The following PHLDB1 variants were observed in gnomAD, a reference collection of about 807,000 sequenced individuals.
PHLDB1 encodes pleckstrin homology-like domain family B member 1.
PHLDB1 carries 65 observed loss-of-function variants against 139.3 expected under a neutral mutation model. That is an observed-to-expected ratio of 0.47 (90% CI 0.38 to 0.57). The LOEUF (loss-of-function observed/expected upper bound fraction) is 0.57. PHLDB1 is among the 20% of genes least tolerant of loss of function. The probability of loss-of-function intolerance (pLI) is 0.00; values close to 1 mark genes in which losing one functional copy is unlikely to be tolerated. For missense variants in PHLDB1, 1,624 were observed against 1,839.7 expected (o/e 0.88, Z 2.14); for synonymous variants, 679 against 734.5 (o/e 0.92, Z 1.22).
At chr11:118,638,296 A>G (rs1370392212) in intron 10 of PHLDB1, among the ~76,000 whole-genome samples, 1 of 152,194 alleles carries the variant, frequency 6.6e-6, no homozygotes. Flanking sequence ...CCTGTGTGTA[A>G]TGAGGAGCCA....
intron 18 of PHLDB1, among the ~76,000 whole-genome samples, chr11:118,648,446 G>T (rs1431771732): frequency 2.6e-5 from 4 of 151,846 alleles, no homozygotes; most frequent in Non-Finnish European, 5.9e-5. Context: ...AATCAGAGTG[G>T]CTCCCCTTGG....
chr11:118,656,432 C>A (rs1401238807), intron 22 of PHLDB1, among the ~76,000 whole-genome samples: 2 of 152,184 alleles, frequency 1.3e-5, no homozygotes, highest in African/African-American at 4.8e-5. Context: ...GGACCAGTGC[C>A]CCCCTTGTCA....
At chr11:118,641,460 T>G in intron 12 of PHLDB1, 2 of 310,604 alleles carry the variant, frequency 6.4e-6, no homozygotes, top group Non-Finnish European at 1.2e-5. Context: ...TGCTCTAGGA[T>G]GAGGGTGTCG....
At chr11:118,618,887 C>T (rs1555092087) in intron 4 of PHLDB1, among the ~76,000 whole-genome samples, 2 of 151,774 alleles carry the variant, frequency 1.3e-5, no homozygotes, top group East Asian at 2.0e-4. Flanking sequence ...GTGACAGGCT[C>T]TTCCAGCAGG....
intron 4 of PHLDB1, among the ~76,000 whole-genome samples, chr11:118,616,652 G>A (rs1941707818): frequency 6.6e-6 from 1 of 152,214 alleles, no homozygotes; most frequent in East Asian, 1.9e-4. Flanking sequence ...TAAATCTCAG[G>A]ACATGCCTGC....
At chr11:118,614,499 G>A (rs781856562) in intron 2 of PHLDB1, 60 bp from the exon 3 acceptor site, 2 of 1,597,972 alleles carry the variant, frequency 1.3e-6, no homozygotes, top group Non-Finnish European at 8.6e-7. Context: ...GGTGTGACTG[G>A]TTTAGGGTGG....
intron 9 of PHLDB1, 167 bp from the exon 10 acceptor site, chr11:118,635,226 C>T (rs1420631492): frequency 1.3e-6 from 1 of 782,072 alleles, no homozygotes; most frequent in African/African-American, 1.7e-5. Flanking sequence ...GGCCATGATG[C>T]CCGCAAAAGG....
rs1393036105 is a variant in PHLDB1, at chr11:118,643,822, G to T, written c.2900G>T (p.Gly967Val). The T allele has an allele frequency of 6.2e-7, 1 of 1,613,990 alleles. No individual in the cohort carries two copies. Among genetic ancestry groups the T allele is most frequent in the Non-Finnish European group, 8.5e-7 (1 of 1,180,014 alleles). The part of the protein sequence containing the change: ...QLQVYRSKMD[G>V]EATSPLPRTR... ...CAGGTTTACCGCTCCAAGATGGATG[G>T]CGAGGCCACCAGCCCCCTTCCCCGG... The change falls in exon 14 of 23, where the codon GGC becomes GTC. Residue 967 changes from glycine to valine, a missense_variant. By Grantham distance (109) the Gly-to-Val change is moderately radical. Transcript: ENST00000600882.
intron 4 of PHLDB1, among the ~76,000 whole-genome samples, chr11:118,623,481 C>G (rs79662635): frequency 0.01 from 1,563 of 152,202 alleles, 25 homozygotes; most frequent in African/African-American, 0.036. Context: ...TCACACTTCC[C>G]GGGCAGGACT....
In PHLDB1 at chr11:118,632,588, G is replaced by A. The variant is rs1944974991; in HGVS notation, c.2379+292G>A. The A allele has an allele frequency of 1.4e-5, 6 of 427,974 alleles. No homozygotes were observed. The South Asian group carries it at 1.6e-4, about 12-fold the overall frequency. The allele number at this position is 427,974 out of a possible 1,614,324, so 26.5% of individuals were successfully genotyped here. A position where few individuals can be genotyped will look rare whatever the true frequency, so the allele number is the denominator to read the frequency against. On this transcript the variant is annotated intron_variant, in intron 9 of 22. Coordinates refer to ENST00000600882, the MANE Select transcript of PHLDB1 (RefSeq NM_001144758.3). This position sits in a 1 kb window ranked among gnomAD's most constrained non-coding sequence, Gnocchi z 5.9. ...TATGGCCCTTCTAGGAAGTGCCAAA[G>A]CCCCTTCTTGGGCAGTGAGCACAGC...
rs2136669780 is a variant in PHLDB1, at chr11:118,643,773, TCACTGGG to T, written c.2878-22_2878-16del. The T allele has an allele frequency of 6.2e-7, 1 of 1,614,008 alleles. No individual in the cohort carries two copies. The highest frequency in any genetic ancestry group is 2.2e-5 in the East Asian group (1 of 44,882). On this transcript the variant is annotated intron_variant, in intron 13 of 22. Transcript: ENST00000600882. The stretch of plus-strand genomic sequence containing the variant: ...AGGTGGCCAATGGGGGAGCCAGGAA[TCACTGGG>T]CACTATCTTTTCTTTCCAGGTTTAC...
In PHLDB1 at chr11:118,624,477, CTG is replaced by C. The variant is rs1193970522; in HGVS notation, c.356-456_356-455del. On this transcript the variant is annotated intron_variant, in intron 4 of 22. Coordinates refer to ENST00000600882, the MANE Select transcript of PHLDB1 (RefSeq NM_001144758.3). ...AGGTCAGGTGTGGACTGTGTGGACT[CTG>C]AGAGCAGATGAGGATGGGTCTTTAG... 59 of 191,458 alleles carry C rather than the reference CTG, an allele frequency of 3.1e-4. 1 individual carries two copies. The highest frequency in any genetic ancestry group is 4.1e-4 in the African/African-American group (17 of 41,410). The allele number at this position is 191,458 out of a possible 1,614,324, so 11.9% of individuals were successfully genotyped here.
At position 118,610,177 on chromosome 11, in the gene PHLDB1, G is replaced by T. The variant is rs898239640; in HGVS notation, c.-22+2478G>T. 2.5e-4 allele frequency among the ~76,000 whole-genome samples: 38 copies of T among 151,326 alleles called. No homozygotes were observed. Among genetic ancestry groups the T allele is most frequent in the African/African-American group, 9.0e-4 (37 of 41,098 alleles). On this transcript the variant is annotated intron_variant, in intron 1 of 22. Coordinates refer to ENST00000600882, the MANE Select transcript of PHLDB1 (RefSeq NM_001144758.3). This position sits in a 1 kb window ranked among gnomAD's most constrained non-coding sequence, Gnocchi z 8.7. ...TCTGCCCTCGGTCTTCCCCTCCCCA[G>T]CTTGCATTTTTTCCCATCTCTTAGT...
Position 118,650,489 on chromosome 11 carries a change from A to G in PHLDB1, c.3816A>G (p.Ser1272=). The change falls in exon 20 of 23, where the codon TCA becomes TCG. Residue 1272 remains serine, a synonymous_variant. Coordinates refer to ENST00000600882, the MANE Select transcript of PHLDB1 (RefSeq NM_001144758.3). This position sits in a 1 kb window ranked among gnomAD's most constrained non-coding sequence, Gnocchi z 4.7. ...YLVKMGGKIK[S]WKKRWFVFDR... is the part of the protein sequence containing the mutation. ...TCAAGATGGGCGGCAAGATTAAATCATGGAAGAAGCGCTGGTTTGTCTTCG... is the reference window on the plus strand; with the variant it reads ...TCAAGATGGGCGGCAAGATTAAATCGTGGAAGAAGCGCTGGTTTGTCTTCG... 6.2e-7 allele frequency: 1 copy of G among 1,614,160 alleles called. No individual in the cohort carries two copies. Among genetic ancestry groups the G allele is most frequent in the South Asian group, 1.1e-5 (1 of 91,082 alleles).
Position 118,632,505 on chromosome 11 carries a change from G to C in PHLDB1, c.2379+209G>C, listed in dbSNP as rs1944965853. 6 of 616,850 alleles carry C rather than the reference G, an allele frequency of 9.7e-6. No individual in the cohort carries two copies. Among genetic ancestry groups the C allele is most frequent in the Non-Finnish European group, 1.7e-5 (6 of 351,750 alleles). The allele number at this position is 616,850 out of a possible 1,614,324, so 38.2% of individuals were successfully genotyped here. A position where few individuals can be genotyped will look rare whatever the true frequency, so the allele number is the denominator to read the frequency against. ...CTGCCAGGGGCTGGGCTGGTGTCTG[G>C]GGTCTCCTCTGTCTGGGTCTGTGTG... On this transcript the variant is annotated intron_variant, in intron 9 of 22. Coordinates refer to ENST00000600882, the MANE Select transcript of PHLDB1 (RefSeq NM_001144758.3). This position sits in a 1 kb window ranked among gnomAD's most constrained non-coding sequence, Gnocchi z 5.9.
chr11:118,607,240 A>T (rs981596163), upstream of PHLDB1, among the ~76,000 whole-genome samples: 2 of 150,532 alleles, frequency 1.3e-5, no homozygotes, highest in African/African-American at 4.9e-5. Context: ...ACGGATTGTC[A>T]AAAACACCCT....
intron 20 of PHLDB1, chr11:118,653,466 A>G (rs1375543715): frequency 6.6e-6 from 1 of 152,122 alleles, no homozygotes; most frequent in African/African-American, 2.4e-5. Flanking sequence ...CAGGAGTGTA[A>G]TGATATAATA....
rs1399587747 is a variant in PHLDB1, at chr11:118,620,632, C to T, written c.356-4302C>T. 6.6e-6 allele frequency among the ~76,000 whole-genome samples: 1 copy of T among 152,146 alleles called. No individual in the cohort carries two copies. Among genetic ancestry groups the T allele is most frequent in the Non-Finnish European group, 1.5e-5 (1 of 68,036 alleles). ...GGGCTCTTTGCTGGGTCTAGCACAA[C>T]TGGATGTTGTGGCTGGGGTGCGGGC... On this transcript the variant is annotated intron_variant, in intron 4 of 22. Coordinates refer to ENST00000600882, the MANE Select transcript of PHLDB1 (RefSeq NM_001144758.3). This position sits in a 1 kb window ranked among gnomAD's most constrained non-coding sequence, Gnocchi z 4.1.
Position 118,610,485 on chromosome 11 carries a change from C to T in PHLDB1, c.-22+2786C>T. The T allele has an allele frequency of 1.0e-6, 1 of 984,574 alleles. No individual in the cohort carries two copies. The highest frequency in any genetic ancestry group is 1.2e-6 in the Non-Finnish European group (1 of 829,132). 61.0% of individuals were successfully genotyped at this position (984,574 alleles called of 1,614,324 possible). ...TGGCGGGCCTCTGGCCACAGCCATG[C>T]ACCGCTTGGGCCGAGGCCGAGGCCG... On this transcript the variant is annotated intron_variant, in intron 1 of 22. Coordinates refer to ENST00000600882, the MANE Select transcript of PHLDB1 (RefSeq NM_001144758.3). The surrounding 1 kb of genome is among the most constrained non-coding windows in gnomAD (Gnocchi z 8.7).
Sources: allele counts gnomAD v4.1 joint callset (sites outside exome capture counted in the v4.1 genomes callset), GRCh38; gene constraint gnomAD v4.1.1; non-coding constraint Gnocchi (gnomAD v3.1); transcripts MANE v1.5; gene names NCBI Gene and HGNC (gene_info 2026-07-23, HGNC 2026-07-21).